The following ARID1B variants were observed in gnomAD, a reference collection of about 807,000 sequenced individuals.
ARID1B encodes AT-rich interactive domain-containing protein 1B.
Under a neutral mutation model 212.3 loss-of-function variants are expected in ARID1B, and 30 were observed. That is an observed-to-expected ratio of 0.14 (90% CI 0.11 to 0.19). ARID1B has a LOEUF of 0.19. ARID1B is among the 10% of genes least tolerant of loss of function. The pLI, the probability that ARID1B is intolerant of heterozygous loss-of-function variation, is 1.00. For missense variants in ARID1B, 2,891 were observed against 3,204.0 expected (o/e 0.90, Z 2.36); for synonymous variants, 1,402 against 1,301.7 (o/e 1.08, Z -1.66).
chr6:156,791,794 G>C (rs1196632440), intron 1 of ARID1B, among the ~76,000 whole-genome samples: 1 of 152,190 alleles, frequency 6.6e-6, no homozygotes, highest in Non-Finnish European at 1.5e-5. Flanking sequence ...GCAACTGACA[G>C]ATGGAGATAG....
chr6:156,788,272 A>G (rs1779779721), intron 1 of ARID1B, among the ~76,000 whole-genome samples: 1 of 152,122 alleles, frequency 6.6e-6, no homozygotes, highest in South Asian at 2.1e-4. Flanking sequence ...GTGCAAATAC[A>G]TAGATTTTTG....
At chr6:157,170,521 G>C (rs1791646294) in intron 9 of ARID1B, among the ~76,000 whole-genome samples, 1 of 152,224 alleles carries the variant, frequency 6.6e-6, no homozygotes, top group African/African-American at 2.4e-5. Context: ...CAAAGGACTT[G>C]ATAAAAGGGT....
intron 7 of ARID1B, among the ~76,000 whole-genome samples, chr6:157,137,179 G>A (rs1397170825): frequency 1.3e-5 from 2 of 151,916 alleles, no homozygotes; most frequent in East Asian, 1.9e-4. Flanking sequence ...AGACCCTGTC[G>A]CAAAAAATAA....
intron 2 of ARID1B, among the ~76,000 whole-genome samples, chr6:156,899,157 T>A (rs979239482): frequency 6.6e-6 from 1 of 152,236 alleles, no homozygotes; most frequent in African/African-American, 2.4e-5. Flanking sequence ...GGCATCTATA[T>A]GACTTAGGAA....
At chr6:157,055,746 G>A (rs917652120) in intron 4 of ARID1B, among the ~76,000 whole-genome samples, 6 of 152,118 alleles carry the variant, frequency 3.9e-5, no homozygotes, top group South Asian at 2.1e-4. Context: ...TCAGGATCTC[G>A]TGAAGTTGAG....
chr6:156,877,708 CT>C (rs527950418), intron 2 of ARID1B, among the ~76,000 whole-genome samples: 810 of 141,736 alleles, frequency 5.7e-3, no homozygotes, highest in South Asian at 0.013. Flanking sequence ...CATATTTATC[CT>C]TTTTTTTTTT....
intron 2 of ARID1B, among the ~76,000 whole-genome samples, chr6:156,881,224 C>T (rs752984924): frequency 2.0e-5 from 3 of 152,160 alleles, no homozygotes; most frequent in African/African-American, 4.8e-5. Context: ...CTGTTAATTA[C>T]GGCTCACTCA....
At chr6:157,185,622 G>A (rs1039128853) in intron 13 of ARID1B, 1 of 152,192 alleles carries the variant, frequency 6.6e-6, no homozygotes, top group African/African-American at 2.4e-5. Context: ...TGGTGCTACA[G>A]TATACACGAT....
intron 4 of ARID1B, among the ~76,000 whole-genome samples, chr6:157,029,101 C>G (rs1322729301): frequency 1.3e-5 from 2 of 152,160 alleles, no homozygotes; most frequent in Non-Finnish European, 2.9e-5. Flanking sequence ...TTTATAAGAA[C>G]TAATCCTTTT....
intron 5 of ARID1B, among the ~76,000 whole-genome samples, chr6:157,104,339 A>C (rs1786310313): frequency 6.6e-6 from 1 of 152,218 alleles, no homozygotes; most frequent in African/African-American, 2.4e-5. Flanking sequence ...TAAGATCACA[A>C]ATGAGGCAAG....
chr6:156,794,995 C>G (rs1780258688), intron 1 of ARID1B, among the ~76,000 whole-genome samples: 1 of 152,196 alleles, frequency 6.6e-6, no homozygotes, highest in African/African-American at 2.4e-5. Flanking sequence ...TTGGGATTTT[C>G]TGATCACATC....
At chr6:156,940,186 C>CT (rs1325194426) in intron 4 of ARID1B, 1 of 152,130 alleles carries the variant, frequency 6.6e-6, no homozygotes, top group Non-Finnish European at 1.5e-5. Context: ...CAGTCATACT[C>CT]TAAGAGCGTT....
At chr6:157,165,592 C>A (rs1318968380) in intron 8 of ARID1B, among the ~76,000 whole-genome samples, 3 of 152,082 alleles carry the variant, frequency 2.0e-5, no homozygotes, top group Non-Finnish European at 4.4e-5. Context: ...CATGGTGGCT[C>A]ACACCTGTAA....
chr6:156,932,145 A>AGGCG (rs1554270211), intron 3 of ARID1B, among the ~76,000 whole-genome samples: 14 of 61,380 alleles, frequency 2.3e-4, no homozygotes, highest in Middle Eastern at 9.6e-3. Context: ...AAAAAAAAAA[A>AGGCG]GGGGGGGGGC....
At chr6:157,060,692 C>T (rs1409235487) in intron 4 of ARID1B, among the ~76,000 whole-genome samples, 2 of 145,558 alleles carry the variant, frequency 1.4e-5, no homozygotes, top group East Asian at 2.0e-4. Context: ...TTCAAGAGCC[C>T]GACCATGCTG....
At chr6:156,856,982 C>A (rs1018386505) in intron 2 of ARID1B, among the ~76,000 whole-genome samples, 3 of 152,074 alleles carry the variant, frequency 2.0e-5, no homozygotes, top group African/African-American at 7.2e-5. Context: ...TCCAGAAGGG[C>A]TTGCAGTTGG....
chr6:157,206,775 T>C lies in ARID1B; in HGVS notation c.6003T>C (p.Asp2001=), dbSNP rs747997398. 5 of 1,613,802 alleles carry C rather than the reference T, an allele frequency of 3.1e-6. No homozygotes were observed. The highest frequency in any genetic ancestry group is 4.2e-6 in the Non-Finnish European group (5 of 1,180,028). The part of the protein sequence containing the change: ...QQEKSIIATI[D]DVLSARPGAL... Reference sequence around the variant, plus strand: ...AGAAAAGCATCATAGCAACCATCGATGACGTCCTCTCTGCTCGGCCAGGGG... The same window carrying C: ...AGAAAAGCATCATAGCAACCATCGACGACGTCCTCTCTGCTCGGCCAGGGG... The change falls in exon 20 of 20, where the codon GAT becomes GAC. Residue 2001 remains aspartate, a synonymous_variant. Transcript: ENST00000636930. The surrounding 1 kb of genome is among the most constrained non-coding windows in gnomAD (Gnocchi z 6.8).
At chr6:157,140,741 C>G (rs1169846650) in intron 7 of ARID1B, 2 of 398,150 alleles carry the variant, frequency 5.0e-6, no homozygotes, top group East Asian at 3.6e-5. Flanking sequence ...ATGCTGGCCT[C>G]TGAGCATACC....
intron 4 of ARID1B, among the ~76,000 whole-genome samples, chr6:156,970,823 A>G (rs1164818065): frequency 2.0e-5 from 3 of 152,176 alleles, no homozygotes; most frequent in Non-Finnish European, 4.4e-5. Flanking sequence ...GAGGGGGCCC[A>G]TCTTATGCTG....
Sources: gnomAD v4.1 joint callset for allele counts (sites outside exome capture counted in the v4.1 genomes callset) on GRCh38, gnomAD v4.1.1 for gene constraint, Gnocchi (gnomAD v3.1) non-coding constraint, MANE v1.5 for transcripts, NCBI Gene and HGNC (gene_info 2026-07-23, HGNC 2026-07-21) for gene names.